FNIP1: variants seen among roughly 807,000 people sequenced by gnomAD.
FNIP1 encodes the protein folliculin-interacting protein 1.
Under a neutral mutation model 124.5 loss-of-function variants are expected in FNIP1, and 40 were observed. That is an observed-to-expected ratio of 0.32 (90% CI 0.25 to 0.42). The LOEUF (loss-of-function observed/expected upper bound fraction) is 0.42. Ranked by LOEUF, FNIP1 falls within the 10% of genes least tolerant of loss-of-function variation. The pLI is 1.00. For synonymous variants in FNIP1, 472 were observed against 470.6 expected (o/e 1.00, Z -0.04); for missense variants, 1,176 against 1,403.7 (o/e 0.84, Z 2.59).
intron 2 of FNIP1, among the ~76,000 whole-genome samples, chr5:131,731,472 G>A (rs1156487599): frequency 2.6e-5 from 4 of 152,004 alleles, no homozygotes; most frequent in African/African-American, 9.7e-5. Flanking sequence ...CGACCAACAG[G>A]GAGAAACCCT....
intron 7 of FNIP1, among the ~76,000 whole-genome samples, chr5:131,709,739 A>C (rs1769227559): frequency 6.6e-6 from 1 of 152,016 alleles, no homozygotes; most frequent in Admixed American, 6.5e-5. Flanking sequence ...TTTAAAAAAC[A>C]AAAAAGCAGG....
chr5:131,675,049 T>C (rs1767872770), intron 13 of FNIP1, among the ~76,000 whole-genome samples: 1 of 152,212 alleles, frequency 6.6e-6, no homozygotes, highest in African/African-American at 2.4e-5. Flanking sequence ...CTTTTCCAGC[T>C]TTATTTTCTT....
chr5:131,759,529 A>T (rs1422592625), intron 1 of FNIP1, among the ~76,000 whole-genome samples: 1 of 152,232 alleles, frequency 6.6e-6, no homozygotes, highest in African/African-American at 2.4e-5. Context: ...ATAGAGACAA[A>T]TCAAAACCAC....
chr5:131,667,463 T>C (rs1767634998), intron 15 of FNIP1, among the ~76,000 whole-genome samples: 1 of 152,244 alleles, frequency 6.6e-6, no homozygotes, highest in South Asian at 2.1e-4. Context: ...CTTAGGTAAC[T>C]TTCTACAGAC....
At chr5:131,775,824 A>G (rs1437593561) in intron 1 of FNIP1, among the ~76,000 whole-genome samples, 9 of 152,116 alleles carry the variant, frequency 5.9e-5, no homozygotes, top group Non-Finnish European at 1.0e-4. Context: ...CACCTTGCCC[A>G]GCCCTGTAGA....
intron 4 of FNIP1, 64 bp from the exon 5 acceptor site, chr5:131,719,124 T>C: frequency 1.4e-6 from 2 of 1,473,004 alleles, no homozygotes; most frequent in Non-Finnish European, 1.9e-6. Flanking sequence ...GGATTTATTA[T>C]AAATAAAAAT....
chr5:131,693,366 A>G (rs1768581496), intron 11 of FNIP1, among the ~76,000 whole-genome samples: 1 of 139,166 alleles, frequency 7.2e-6, no homozygotes, highest in Admixed American at 7.4e-5. Flanking sequence ...ATATATAGTT[A>G]CAGAGATCAA....
intron 15 of FNIP1, among the ~76,000 whole-genome samples, chr5:131,666,936 T>C (rs1178255512): frequency 6.6e-6 from 1 of 152,090 alleles, no homozygotes; most frequent in Non-Finnish European, 1.5e-5. Flanking sequence ...TAAAGAAAGA[T>C]AAGAATGCAT....
At chr5:131,687,093 GGTTT>G (rs1210530300) in intron 11 of FNIP1, among the ~76,000 whole-genome samples, 2 of 148,286 alleles carry the variant, frequency 1.3e-5, no homozygotes, top group Non-Finnish European at 3.0e-5. Flanking sequence ...TTTAGGTTGT[GGTTT>G]GTTTGGCTTT....
intron 17 of FNIP1, among the ~76,000 whole-genome samples, chr5:131,645,698 T>C (rs1180866838): frequency 6.6e-6 from 1 of 152,244 alleles, no homozygotes; most frequent in Admixed American, 6.5e-5. Flanking sequence ...GAATTTATCC[T>C]ACAAATGTCA....
At chr5:131,783,783 A>T (rs1428337222) in intron 1 of FNIP1, among the ~76,000 whole-genome samples, 2 of 152,138 alleles carry the variant, frequency 1.3e-5, no homozygotes, top group East Asian at 3.8e-4. Context: ...AATGCCTTCA[A>T]ATTACTGACT....
Position 131,761,157 on chromosome 5 carries a change from A to G in FNIP1, c.93-16467T>C, listed in dbSNP as rs145137319. On this transcript the variant is annotated intron_variant, in intron 1 of 17. Coordinates refer to ENST00000510461, the MANE Select transcript of FNIP1 (RefSeq NM_133372.3). ...TTTTAAATATGTCTTCTGACAGCAA[A>G]GTATATGGTCATATAATGCTCTATT... Among the ~76,000 whole-genome samples, 728 of 152,324 alleles carry G rather than the reference A, an allele frequency of 4.8e-3. 5 individuals carry two copies. The highest frequency in any genetic ancestry group is 0.017 in the African/African-American group (691 of 41,576).
At chr5:131,748,708 AG>A (rs1359730548) in intron 1 of FNIP1, among the ~76,000 whole-genome samples, 19 of 147,290 alleles carry the variant, frequency 1.3e-4, no homozygotes, top group African/African-American at 2.5e-4. Context: ...AAAAAAAAAA[AG>A]AAAAAAAAAA....
intron 11 of FNIP1, among the ~76,000 whole-genome samples, chr5:131,687,492 G>A (rs906073930): frequency 3.3e-5 from 5 of 152,118 alleles, no homozygotes; most frequent in African/African-American, 1.2e-4. Flanking sequence ...AAAAATATGT[G>A]AACTTCCAAT....
intron 1 of FNIP1, among the ~76,000 whole-genome samples, chr5:131,767,545 G>A (rs908558709): frequency 6.6e-6 from 1 of 151,076 alleles, no homozygotes; most frequent in East Asian, 1.9e-4. Context: ...GATCTTGTAA[G>A]CTGTGGAAAT....
intron 11 of FNIP1, among the ~76,000 whole-genome samples, chr5:131,698,460 G>A (rs545084096): frequency 4.6e-5 from 7 of 152,274 alleles, no homozygotes; most frequent in East Asian, 3.9e-4. Flanking sequence ...AAACCCTAGC[G>A]GAAGGACTAT....
At chr5:131,723,457 C>G (rs1161972831) in intron 3 of FNIP1, among the ~76,000 whole-genome samples, 1 of 152,084 alleles carries the variant, frequency 6.6e-6, no homozygotes, top group Non-Finnish European at 1.5e-5. Flanking sequence ...TAGTTTACTA[C>G]TAAGGTTCTC....
At chr5:131,795,624 A>AT (rs1772560235) in intron 1 of FNIP1, 1 of 152,142 alleles carries the variant, frequency 6.6e-6, no homozygotes. Context: ...TGACACATTT[A>AT]TTTTTCAGGG....
chr5:131,680,265 T>C (rs1488640133), intron 11 of FNIP1, among the ~76,000 whole-genome samples: 1 of 152,162 alleles, frequency 6.6e-6, no homozygotes, highest in Non-Finnish European at 1.5e-5. Context: ...TGGTAACACC[T>C]AGGAGCCAAA....
Sources: allele counts gnomAD v4.1 joint callset (sites outside exome capture counted in the v4.1 genomes callset), GRCh38; gene constraint gnomAD v4.1.1; transcripts MANE v1.5; gene names NCBI Gene and HGNC (gene_info 2026-07-23, HGNC 2026-07-21).